Variants in HTR1F observed in about 807,000 individuals in gnomAD.
HTR1F encodes 5-hydroxytryptamine (serotonin) receptor 1F, G protein-coupled.
Under a neutral mutation model 24.0 loss-of-function variants are expected in HTR1F, and 17 were observed. The ratio of observed to expected loss-of-function variants is 0.71; its 90% CI spans 0.48 to 1.06. HTR1F has a LOEUF of 1.06. Among genes scored for constraint, HTR1F ranks in the 50% least tolerant of loss-of-function variants. The pLI is 0.00. For synonymous variants in HTR1F, 186 were observed against 156.8 expected (o/e 1.19, Z -1.39); for missense variants, 391 against 427.8 (o/e 0.91, Z 0.76).
chr3:87,843,279 A>G (rs1481323371), intron 2 of HTR1F, among the ~76,000 whole-genome samples: 5 of 151,986 alleles, frequency 3.3e-5, no homozygotes, highest in Non-Finnish European at 7.3e-5. Flanking sequence ...TTTAGCAAAG[A>G]CAACATTGAT....
intron 2 of HTR1F, among the ~76,000 whole-genome samples, chr3:87,838,854 A>G (rs1391344786): frequency 1.3e-5 from 2 of 151,422 alleles, no homozygotes; most frequent in Admixed American, 6.6e-5. Context: ...TTATTTGCCC[A>G]TTTTTAAGTA....
chr3:87,917,498 T>C (rs1703920466), intron 2 of HTR1F, among the ~76,000 whole-genome samples: 1 of 150,878 alleles, frequency 6.6e-6, no homozygotes, highest in Non-Finnish European at 1.5e-5. Context: ...AGAGAAAATC[T>C]AAATAAGGTC....
At chr3:87,843,361 G>GC (rs1405116993) in intron 2 of HTR1F, among the ~76,000 whole-genome samples, 1 of 151,726 alleles carries the variant, frequency 6.6e-6, no homozygotes, top group Non-Finnish European at 1.5e-5. Flanking sequence ...TTAAATGTGA[G>GC]CAGTGTTCTT....
intron 2 of HTR1F, among the ~76,000 whole-genome samples, chr3:87,897,428 A>G (rs1268020857): frequency 2.0e-5 from 3 of 152,076 alleles, no homozygotes; most frequent in Non-Finnish European, 2.9e-5. Flanking sequence ...AGCGGGCCAC[A>G]TATCAGTGCA....
chr3:87,828,612 A>C (rs1704511094), intron 2 of HTR1F, among the ~76,000 whole-genome samples: 1 of 152,244 alleles, frequency 6.6e-6, no homozygotes, highest in Admixed American at 6.5e-5. Context: ...CACTGAGTAG[A>C]GTAGCCAGAA....
intron 2 of HTR1F, among the ~76,000 whole-genome samples, chr3:87,834,338 C>A (rs973027645): frequency 2.6e-5 from 4 of 151,892 alleles, no homozygotes; most frequent in African/African-American, 9.7e-5. Context: ...CACAAATACT[C>A]ATATAAATAC....
At chr3:87,940,057 C>T (rs535475607) in intron 2 of HTR1F, among the ~76,000 whole-genome samples, 5 of 152,278 alleles carry the variant, frequency 3.3e-5, no homozygotes, top group African/African-American at 1.2e-4. Flanking sequence ...GATTCTGGTA[C>T]ATTGTGTCTT....
chr3:87,947,619 A>T (rs551747033), intron 2 of HTR1F, among the ~76,000 whole-genome samples: 17 of 152,250 alleles, frequency 1.1e-4, no homozygotes, highest in African/African-American at 3.8e-4. Context: ...TGAATACTCG[A>T]CCCCAAAAGG....
intron 2 of HTR1F, among the ~76,000 whole-genome samples, chr3:87,854,755 C>A (rs1436373199): frequency 3.3e-5 from 5 of 151,956 alleles, no homozygotes; most frequent in African/African-American, 1.2e-4. Context: ...CTGGTATACT[C>A]TTTTTGCATT....
chr3:87,804,204 C>T (rs1250396648), intron 1 of HTR1F, among the ~76,000 whole-genome samples: 1 of 152,006 alleles, frequency 6.6e-6, no homozygotes, highest in African/African-American at 2.4e-5. Context: ...TTCTGACATA[C>T]AAAAATGTGA....
intron 2 of HTR1F, among the ~76,000 whole-genome samples, chr3:87,882,134 G>A (rs1559617397): frequency 1.3e-5 from 2 of 152,218 alleles, no homozygotes; most frequent in South Asian, 4.1e-4. Context: ...GTCCATCAGA[G>A]AAATGCAAAT....
chr3:87,895,916 T>A (rs1576000044), intron 2 of HTR1F, among the ~76,000 whole-genome samples: 2 of 152,064 alleles, frequency 1.3e-5, no homozygotes, highest in South Asian at 4.2e-4. Context: ...TGGCAGGTGG[T>A]GTGATGAGTA....
intron 2 of HTR1F, among the ~76,000 whole-genome samples, chr3:87,903,803 C>A (rs1329437114): frequency 6.6e-6 from 1 of 152,196 alleles, no homozygotes; most frequent in Non-Finnish European, 1.5e-5. Context: ...ATAAATCATG[C>A]TGCTATAAAG....
chr3:87,946,907 G>A (rs1457201695), intron 2 of HTR1F, among the ~76,000 whole-genome samples: 3 of 152,152 alleles, frequency 2.0e-5, no homozygotes, highest in East Asian at 1.9e-4. Context: ...TTACAGGCAT[G>A]AGCCACCACG....
chr3:87,963,094 A>T (rs1275568447), intron 2 of HTR1F, among the ~76,000 whole-genome samples: 2 of 152,120 alleles, frequency 1.3e-5, no homozygotes, highest in African/African-American at 2.4e-5. Flanking sequence ...TTGTTAATAC[A>T]TGGAAAATTA....
chr3:87,851,493 T>C (rs547164924), intron 2 of HTR1F, among the ~76,000 whole-genome samples: 1 of 151,738 alleles, frequency 6.6e-6, no homozygotes, highest in Admixed American at 6.6e-5. Context: ...GGGGCTTTAT[T>C]AGCTTTTTGA....
chr3:87,916,392 T>C (rs944303031), intron 2 of HTR1F, among the ~76,000 whole-genome samples: 3 of 150,060 alleles, frequency 2.0e-5, no homozygotes, highest in Non-Finnish European at 4.4e-5. Flanking sequence ...ATACTAACAT[T>C]GAATGTAAAT....
intron 2 of HTR1F, among the ~76,000 whole-genome samples, chr3:87,891,310 T>A (rs949632612): frequency 4.6e-5 from 7 of 151,164 alleles, no homozygotes; most frequent in African/African-American, 1.2e-4. Context: ...ATAAAAAAAA[T>A]GCCATTCTCC....
chr3:87,924,650 T>C (rs1232935500), intron 2 of HTR1F, among the ~76,000 whole-genome samples: 1 of 152,202 alleles, frequency 6.6e-6, no homozygotes, highest in African/African-American at 2.4e-5. Context: ...TACACTATTC[T>C]TGGCTGTCAG....
Sources: gnomAD v4.1 joint callset for allele counts (sites outside exome capture counted in the v4.1 genomes callset) on GRCh38, gnomAD v4.1.1 for gene constraint, MANE v1.5 for transcripts, NCBI Gene and HGNC (gene_info 2026-07-23, HGNC 2026-07-21) for gene names.